ITCH: variants seen among roughly 807,000 people sequenced by gnomAD.
The protein encoded by ITCH is itchy E3 ubiquitin protein ligase, also known as E3 ubiquitin-protein ligase Itchy homolog.
In ITCH, 28 loss-of-function variants were observed where a neutral mutation model predicts 126.8. That is an observed-to-expected ratio of 0.22 (90% CI 0.16 to 0.30). ITCH has a LOEUF of 0.30. Among genes scored for constraint, ITCH ranks in the 10% least tolerant of loss-of-function variants. ITCH has a pLI of 1.00. For missense variants in ITCH, 631 were observed against 1,032.4 expected (o/e 0.61, Z 5.33); for synonymous variants, 342 against 340.0 (o/e 1.01, Z -0.06).
In ITCH at chr20:34,378,788, A is replaced by T. The variant is rs566611038; in HGVS notation, c.-22+9318A>T. On this transcript the variant is annotated intron_variant, in intron 2 of 24. Coordinates refer to ENST00000374864, the MANE Select transcript of ITCH (RefSeq NM_031483.7). ...TGGAAATGGGAAGGAAAATAATGTG[A>T]GAGAGAGATTAACTGCATTTGCTTC... Among the ~76,000 whole-genome samples the T allele has an allele frequency of 3.9e-5, 6 of 152,284 alleles. No homozygotes were observed. The East Asian group carries it at 5.8e-4, about 15-fold the overall frequency.
chr20:34,408,289 G>A (rs1371966533), intron 3 of ITCH, among the ~76,000 whole-genome samples: 1 of 152,156 alleles, frequency 6.6e-6, no homozygotes, highest in Non-Finnish European at 1.5e-5. Flanking sequence ...TTCCAGATTG[G>A]TCTTCGACTA....
intron 1 of ITCH, among the ~76,000 whole-genome samples, chr20:34,364,585 T>C (rs376027814): frequency 6.6e-6 from 1 of 151,846 alleles, no homozygotes. Context: ...ATTTTTAAAA[T>C]TAAGAAATGG....
intron 23 of ITCH, among the ~76,000 whole-genome samples, chr20:34,503,771 C>T (rs181708447): frequency 3.3e-5 from 5 of 151,202 alleles, no homozygotes; most frequent in South Asian, 4.2e-4. Context: ...CAGAATCACC[C>T]GGAAGCTTGT....
intron 23 of ITCH, among the ~76,000 whole-genome samples, chr20:34,496,673 C>T (rs1426537140): frequency 1.3e-5 from 2 of 151,560 alleles, no homozygotes; most frequent in African/African-American, 4.8e-5. Context: ...CGTGGTGGCG[C>T]GTGCCTGTCA....
chr20:34,500,351 C>A (rs1990169775), intron 23 of ITCH, among the ~76,000 whole-genome samples: 1 of 152,070 alleles, frequency 6.6e-6, no homozygotes, highest in Non-Finnish European at 1.5e-5. Context: ...TATCTGGGTT[C>A]TTTGGTGTTG....
intron 17 of ITCH, 126 bp from the exon 18 acceptor site, chr20:34,479,504 A>G (rs915164596): frequency 1.3e-6 from 1 of 749,100 alleles, no homozygotes; most frequent in Non-Finnish European, 2.2e-6. Flanking sequence ...AGCAATAAAA[A>G]TCAACATGAG....
chr20:34,438,488 G>A lies in ITCH; in HGVS notation c.536G>A (p.Gly179Glu). Residue 179 changes from glycine (G) to glutamate (E), a missense_variant, in exon 8 of 25, where the codon GGA becomes GAA. By Grantham distance (98) the Gly-to-Glu change is moderately conservative. Coordinates refer to ENST00000374864, the MANE Select transcript of ITCH (RefSeq NM_031483.7). Reference protein sequence around the residue: ...SKDETRVSTNGSDDPEDAGAG... With the variant: ...SKDETRVSTNESDDPEDAGAG... ...TTCTTACCCAGAGTGAGCACAAATG[G>A]ATCAGATGACCCTGAAGATGCAGGA... The A allele has an allele frequency of 6.2e-7, 1 of 1,613,784 alleles. No homozygotes were observed. Among genetic ancestry groups the A allele is most frequent in the Non-Finnish European group, 8.5e-7 (1 of 1,179,962 alleles).
intron 9 of ITCH, 47 bp downstream of exon 9, chr20:34,440,391 T>C: frequency 7.5e-7 from 1 of 1,324,784 alleles, no homozygotes; most frequent in Non-Finnish European, 1.1e-6. Context: ...GGATTCTTCA[T>C]AAGCCTACTT....
At chr20:34,413,517 T>C (rs907895374) in intron 5 of ITCH, among the ~76,000 whole-genome samples, 4 of 152,212 alleles carry the variant, frequency 2.6e-5, no homozygotes, top group Admixed American at 6.5e-5. Flanking sequence ...GATACTATTT[T>C]ACATCATGAA....
At chr20:34,424,701 G>A (rs1250430958) in intron 7 of ITCH, among the ~76,000 whole-genome samples, 176 bp downstream of exon 7, 3 of 152,232 alleles carry the variant, frequency 2.0e-5, no homozygotes, top group East Asian at 1.9e-4. Context: ...TCGGATTAGA[G>A]CTATCTGGAG....
chr20:34,499,637 C>T (rs75119639), intron 23 of ITCH, among the ~76,000 whole-genome samples: 1 of 146,664 alleles, frequency 6.8e-6, no homozygotes, highest in East Asian at 2.0e-4. Flanking sequence ...AAAAAAAAAA[C>T]AACTTTTCAT....
chr20:34,369,884 A>G (rs1477805182), intron 2 of ITCH, among the ~76,000 whole-genome samples: 2 of 151,928 alleles, frequency 1.3e-5, no homozygotes, highest in South Asian at 2.1e-4. Flanking sequence ...TGGGAGGATC[A>G]CTTGAACCCA....
In ITCH at chr20:34,424,721, GAT is replaced by G. The variant is rs1981260614; in HGVS notation, c.521+198_521+199del. ...TTAGAGCTATCTGGAGTGGGCTAGG[GAT>G]AACCAAATTGTTGATACTTCTTCAG... is the stretch of plus-strand genomic sequence containing the variant. On this transcript the variant is annotated intron_variant, in intron 7 of 24. Transcript: ENST00000374864. Among the ~76,000 whole-genome samples the G allele has an allele frequency of 2.0e-5, 3 of 152,338 alleles. No homozygotes were observed. The South Asian group carries it at 6.2e-4, about 32-fold the overall frequency.
rs998704134 is a variant in ITCH at position 34,413,748 on chromosome 20, A to T, written c.344A>T (p.Glu115Val). 2.5e-6 allele frequency: 4 copies of T among 1,603,478 alleles called. No homozygotes were observed. The highest frequency in any genetic ancestry group is 1.1e-5 in the South Asian group (1 of 88,798). Residue 115 changes from glutamate (E) to valine (V), a missense_variant, in exon 6 of 25, where the codon GAA becomes GTA. Physicochemically the swap from Glu to Val is moderately radical, Grantham distance 121 (BLOSUM62 -2). Coordinates refer to ENST00000374864, the MANE Select transcript of ITCH (RefSeq NM_031483.7). ...TAACTTTATTTTCTTCCAGTTGAAG[A>T]AGTAGTTGTGACTTTGCAGCTTGGA... ...TLKSNNMKLE[E>V]VVVTLQLGGD...
chr20:34,402,310 GTGATAGGCTTCTGTT>G, intron 3 of ITCH: 2 of 1,132,268 alleles, frequency 1.8e-6, no homozygotes, highest in Non-Finnish European at 2.7e-6. Context: ...AGTCTCTGGA[GTGATAGGCTTCTGTT>G]TGTTCTTGGC....
intron 1 of ITCH, among the ~76,000 whole-genome samples, chr20:34,367,395 C>G (rs2037460649): frequency 6.6e-6 from 1 of 152,160 alleles, no homozygotes; most frequent in African/African-American, 2.4e-5. Context: ...ATTTATGCCT[C>G]TAAAAAGTAT....
At chr20:34,475,685 GAGAGGCAGAGGCAGGGGC>G (rs952218994) in intron 16 of ITCH, among the ~76,000 whole-genome samples, 5 of 150,688 alleles carry the variant, frequency 3.3e-5, no homozygotes, top group Admixed American at 6.6e-5. Flanking sequence ...AGGGAGACGG[GAGAGGCAGAGGCAGGGGC>G]AGGGGCAGGG....
intron 2 of ITCH, among the ~76,000 whole-genome samples, chr20:34,371,409 T>C (rs2037625868): frequency 1.3e-5 from 2 of 150,418 alleles, no homozygotes; most frequent in Admixed American, 6.7e-5. Context: ...CCTGAGTAGC[T>C]GGGACTCGGG....
chr20:34,413,950 G>T, intron 6 of ITCH, 71 bp downstream of exon 6: 2 of 1,273,214 alleles, frequency 1.6e-6, no homozygotes, highest in Non-Finnish European at 2.2e-6. Flanking sequence ...TATGCTGTAT[G>T]TAATTATTTT....
Sources: allele counts gnomAD v4.1 joint callset (sites outside exome capture counted in the v4.1 genomes callset), GRCh38; gene constraint gnomAD v4.1.1; transcripts MANE v1.5; gene names NCBI Gene and HGNC (gene_info 2026-07-23, HGNC 2026-07-21).